Variants in EOMES observed in about 807,000 individuals in gnomAD.
EOMES encodes eomesodermin.
In EOMES, 18 loss-of-function variants were observed where a neutral mutation model predicts 61.0. The observed-to-expected ratio is 0.30, with a 90% confidence interval of 0.20 to 0.44. The LOEUF (loss-of-function observed/expected upper bound fraction) is 0.44, where lower values mean the gene tolerates loss of function less well. EOMES is among the 20% of genes least tolerant of loss of function. EOMES has a pLI of 1.00. For synonymous variants in EOMES, 430 were observed against 394.0 expected, an observed-to-expected ratio of 1.09 and a Z score of -1.08; for missense variants, 885 against 939.2, an observed-to-expected ratio of 0.94 and a Z score of 0.75.
chr3:27,717,841 A>AG lies in EOMES; in HGVS notation c.1380-34_1380-33insC, dbSNP rs758973532. ...ATAAAGAGAAACACTTAAAAAAAAAAAAAAACCCTAATGTTGTCCCCAAAC... is the reference window on the plus strand; with the variant it reads ...ATAAAGAGAAACACTTAAAAAAAAAAGAAAAACCCTAATGTTGTCCCCAAAC... On this transcript the variant is annotated intron_variant, in intron 5 of 5. Transcript: ENST00000449599. This position sits in a 1 kb window ranked among gnomAD's most constrained non-coding sequence, Gnocchi z 4.5. 6 of 1,451,606 alleles carry AG rather than the reference A, an allele frequency of 4.1e-6. No individual in the cohort carries two copies. In the African/African-American group the frequency reaches 7.2e-5, roughly 18 times the overall value. 89.9% of individuals were successfully genotyped at this position (1,451,606 alleles called of 1,614,324 possible). A position where few individuals can be genotyped will look rare whatever the true frequency, so the allele number is the denominator to read the frequency against.
At chr3:27,719,881 C>T (rs1344417192) in intron 2 of EOMES, among the ~76,000 whole-genome samples, 1 of 152,086 alleles carries the variant, frequency 6.6e-6, no homozygotes, top group Non-Finnish European at 1.5e-5. Context: ...AGGAGCCCTT[C>T]CCACCTGGAG....
chr3:27,720,214 C>A lies in EOMES; in HGVS notation c.993G>T (p.Gly331=), dbSNP rs775427213. The change falls in exon 2 of 6, where the codon GGG becomes GGT. Residue 331 remains glycine, a synonymous_variant. Transcript: ENST00000449599. ...CTTTGCCACAGGTCACCCATTTGCC[C>A]CCCTGGAAGCGCCAGTGGTTGGGGT... is the stretch of plus-strand genomic sequence containing the variant. ...LADPNHWRFQ[G]GKWVTCGKAD... 42 of 1,608,670 alleles carry A rather than the reference C, an allele frequency of 2.6e-5. No individual in the cohort carries two copies. Among genetic ancestry groups the A allele is most frequent in the Non-Finnish European group, 3.4e-5 (40 of 1,177,268 alleles).
rs1204820670 is a variant in EOMES, at chr3:27,717,899, T to G, written c.1380-91A>C. The G allele has an allele frequency of 1.0e-6, 1 of 978,086 alleles. No homozygotes were observed. The highest frequency in any genetic ancestry group is 1.5e-6 in the Non-Finnish European group (1 of 685,050). 60.6% of individuals were successfully genotyped at this position (978,086 alleles called of 1,614,324 possible). A position where few individuals can be genotyped will look rare whatever the true frequency, so the allele number is the denominator to read the frequency against. Reference sequence around the variant, plus strand: ...CTCCCAGAAATGAAAAAGGCTTGTGTTGGTTATCTACACCGAAAGTGCTGG... The same window carrying G: ...CTCCCAGAAATGAAAAAGGCTTGTGGTGGTTATCTACACCGAAAGTGCTGG... On this transcript the variant is annotated intron_variant, in intron 5 of 5. Coordinates refer to ENST00000449599, the MANE Select transcript of EOMES (RefSeq NM_001278182.2). This position sits in a 1 kb window ranked among gnomAD's most constrained non-coding sequence, Gnocchi z 4.5.
At position 27,717,337 on chromosome 3, in the gene EOMES, AGTGGGGCTT is replaced by A; in HGVS notation, c.1842_1850del (p.Ser615_Thr617del). 6.2e-7 allele frequency: 1 copy of A among 1,614,178 alleles called. No individual in the cohort carries two copies. Among genetic ancestry groups the A allele is most frequent in the Admixed American group, 1.7e-5 (1 of 60,030 alleles). ...TGGAGAGCTGATCTTCAGAGAACAC[AGTGGGGCTT>A]GTTCTGGAGGTCCATGGTAGTCCAG... On this transcript the variant is annotated inframe_deletion, in exon 6 of 6. Coordinates refer to ENST00000449599, the MANE Select transcript of EOMES (RefSeq NM_001278182.2). This position sits in a 1 kb window ranked among gnomAD's most constrained non-coding sequence, Gnocchi z 4.5.
intron 4 of EOMES, 22 bp from the exon 5 acceptor site, chr3:27,718,670 T>C: frequency 1.9e-6 from 3 of 1,612,766 alleles, no homozygotes; most frequent in Non-Finnish European, 2.5e-6. Flanking sequence ...AGAAAAACAG[T>C]CATTGAGTGA....
chr3:27,719,056 C>CT (rs397972971), intron 3 of EOMES, among the ~76,000 whole-genome samples, 163 bp from the exon 4 acceptor site: 13 of 147,064 alleles, frequency 8.8e-5, no homozygotes, highest in Middle Eastern at 3.4e-3. Flanking sequence ...TGCCCCCCCC[C>CT]TTTTTTTTTG....
chr3:27,718,501 C>T (rs1408426800), intron 5 of EOMES, 86 bp downstream of exon 5: 1 of 957,890 alleles, frequency 1.0e-6, no homozygotes, highest in Non-Finnish European at 1.6e-6. Flanking sequence ...AAAAGCTCTT[C>T]CTAAAATACA....
chr3:27,716,985 G>T lies in EOMES; in HGVS notation c.*85C>A, dbSNP rs1035851698. 89 of 1,040,450 alleles carry T rather than the reference G, an allele frequency of 8.6e-5. No individual in the cohort carries two copies. In the African/African-American group the frequency reaches 1.3e-3, roughly 15 times the overall value. The allele number at this position is 1,040,450 out of a possible 1,614,324, so 64.5% of individuals were successfully genotyped here. ...CAAGGTGGAAGGCAAACATCTTTTT[G>T]GCAACCTAGGCAAAGAAGACAACAA... On this transcript the variant is annotated 3_prime_UTR_variant, in exon 6 of 6. Coordinates refer to ENST00000449599, the MANE Select transcript of EOMES (RefSeq NM_001278182.2).
upstream of EOMES, chr3:27,722,657 C>T (rs1181781629): frequency 2.9e-6 from 3 of 1,046,326 alleles, no homozygotes; most frequent in Non-Finnish European, 3.4e-6. Flanking sequence ...CACTAGCCCG[C>T]GCCTTTCTGC....
chr3:27,721,593 G>T lies in EOMES; in HGVS notation c.702C>A (p.Ser234Arg), dbSNP rs1052623112. 18 of 1,568,686 alleles carry T rather than the reference G, an allele frequency of 1.1e-5. No individual in the cohort carries two copies. Among genetic ancestry groups the T allele is most frequent in the Non-Finnish European group, 1.6e-5 (18 of 1,159,304 alleles). Reference sequence around the variant, plus strand: ...ACGGCCCGTAGAGCGGAGCCCCCTGGCTGTACTGATAGGTGCCCGGGCCGC... The same window carrying T: ...ACGGCCCGTAGAGCGGAGCCCCCTGTCTGTACTGATAGGTGCCCGGGCCGC... ...GGGGPGTYQY[S>R]QGAPLYGPYP... Residue 234 changes from serine to arginine, a missense_variant, in exon 1 of 6, where the codon AGC becomes AGA. This residue lies in a region of EOMES where 449 missense variants were observed against 383.6 expected (regional missense o/e 1.17). Transcript: ENST00000449599. The surrounding 1 kb of genome is among the most constrained non-coding windows in gnomAD (Gnocchi z 7.4).
intron 2 of EOMES, 90 bp from the exon 3 acceptor site, chr3:27,719,571 A>G (rs1472827266): frequency 8.4e-7 from 1 of 1,190,612 alleles, no homozygotes; most frequent in Non-Finnish European, 1.2e-6. Context: ...AGCTATGAGC[A>G]AGATATAAGA....
At position 27,717,375 on chromosome 3, in the gene EOMES, C is replaced by T. The variant is rs1232941436; in HGVS notation, c.1813G>A (p.Ala605Thr). 2 of 1,614,138 alleles carry T rather than the reference C, an allele frequency of 1.2e-6. No homozygotes were observed. The highest frequency in any genetic ancestry group is 1.1e-5 in the South Asian group (1 of 91,076). The change falls in exon 6 of 6, where the codon GCA (alanine) becomes ACA (threonine). Residue 605 changes from alanine (A) to threonine (T), a missense_variant. Coordinates refer to ENST00000449599, the MANE Select transcript of EOMES (RefSeq NM_001278182.2). This position sits in a 1 kb window ranked among gnomAD's most constrained non-coding sequence, Gnocchi z 4.5. ...CTGGAGGTCCATGGTAGTCCAGCTG[C>T]CATCTTCCTCTGGTAAGAACCTCGA... ...GGRGSYQRKM[A>T]AGLPWTSRTS...
At chr3:27,718,930 A>G in intron 3 of EOMES, 37 bp from the exon 4 acceptor site, 5 of 1,523,530 alleles carry the variant, frequency 3.3e-6, no homozygotes, top group Non-Finnish European at 4.5e-6. Flanking sequence ...TAAATCTAAA[A>G]AGCCTCTTAG....
At position 27,717,455 on chromosome 3, in the gene EOMES, T is replaced by C. The variant is rs994979262; in HGVS notation, c.1733A>G (p.His578Arg). 2.5e-6 allele frequency: 4 copies of C among 1,614,100 alleles called. No individual in the cohort carries two copies. Among genetic ancestry groups the C allele is most frequent in the South Asian group, 2.2e-5 (2 of 91,078 alleles). ...TGGGTCTGGGTAATACCCCAGGGCA[T>C]GGGATGTCTGAAGGGGCAAGGATTT... ...GIKSLPLQTS[H>R]ALGYYPDPTF... The change falls in exon 6 of 6, where the codon CAT becomes CGT. Residue 578 changes from histidine (H) to arginine (R), a missense_variant. By Grantham distance (29) the His-to-Arg change is conservative. This residue lies in a region of EOMES where 259 missense variants were observed against 282.3 expected (regional missense o/e 0.92). Transcript: ENST00000449599. This position sits in a 1 kb window ranked among gnomAD's most constrained non-coding sequence, Gnocchi z 4.5.
rs199883465 is a variant in EOMES at position 27,722,318 on chromosome 3, C to T, written c.-24G>A. ...ATGCTTTGCAAAGCGCAGACGGCAG[C>T]TGGCTGCTTCCTCTCCTCCGGTGGC... On this transcript the variant is annotated 5_prime_UTR_variant, in exon 1 of 6. Transcript: ENST00000449599. The T allele has an allele frequency of 1.3e-6, 2 of 1,514,108 alleles. No individual in the cohort carries two copies. Among genetic ancestry groups the T allele is most frequent in the Admixed American group, 2.2e-5 (1 of 45,392 alleles). The allele number at this position is 1,514,108 out of a possible 1,614,324, so 93.8% of individuals were successfully genotyped here. A position where few individuals can be genotyped will look rare whatever the true frequency, so the allele number is the denominator to read the frequency against.
intron 5 of EOMES, 150 bp downstream of exon 5, chr3:27,718,437 A>T: frequency 3.7e-6 from 2 of 535,578 alleles, no homozygotes; most frequent in Non-Finnish European, 6.6e-6. Flanking sequence ...CTAAAGCAAG[A>T]TTAGTAAAGG....
chr3:27,721,698 A>T lies in EOMES; in HGVS notation c.597T>A (p.Ala199=). ...ACTGCGCCCTCCCGGGTGGGCACAC[A>T]GCCGCGGGGAAGCCGCCGGGGGGCA... ...SMLPPGGFPA[A]VCPPGRAQFG... Residue 199 remains alanine, a synonymous_variant, in exon 1 of 6, where the codon GCT becomes GCA. Coordinates refer to ENST00000449599, the MANE Select transcript of EOMES (RefSeq NM_001278182.2). This position sits in a 1 kb window ranked among gnomAD's most constrained non-coding sequence, Gnocchi z 7.4. The T allele has an allele frequency of 6.7e-7, 1 of 1,492,926 alleles. No homozygotes were observed. The highest frequency in any genetic ancestry group is 8.8e-7 in the Non-Finnish European group (1 of 1,131,222). The allele number at this position is 1,492,926 out of a possible 1,614,324, so 92.5% of individuals were successfully genotyped here. A position where few individuals can be genotyped will look rare whatever the true frequency, so the allele number is the denominator to read the frequency against.
rs371656694 is a variant in EOMES at position 27,718,824 on chromosome 3, C to T, written c.1228G>A (p.Val410Met). The T allele has an allele frequency of 8.0e-5, 129 of 1,613,488 alleles. No individual in the cohort carries two copies. Among genetic ancestry groups the T allele is most frequent in the Non-Finnish European group, 9.8e-5 (116 of 1,179,532 alleles). ...TTTGAGGGCTCATTCAAGTCCTCCA[C>T]GCCATCCTCTGTAACTTCAACAATA... ...LHIVEVTEDG[V>M]EDLNEPSKTQ... Residue 410 changes from valine to methionine, a missense_variant, in exon 4 of 6, where the codon GTG becomes ATG. Physicochemically the swap from Val to Met is conservative, Grantham distance 21. Coordinates refer to ENST00000449599, the MANE Select transcript of EOMES (RefSeq NM_001278182.2).
At position 27,720,212 on chromosome 3, in the gene EOMES, C is replaced by A; in HGVS notation, c.995G>T (p.Gly332Val). 1 of 1,607,088 alleles carries A rather than the reference C, an allele frequency of 6.2e-7. No individual in the cohort carries two copies. The highest frequency in any genetic ancestry group is 8.5e-7 in the Non-Finnish European group (1 of 1,176,414). ...ADPNHWRFQG[G>V]KWVTCGKADN... ...GGCTTTGCCACAGGTCACCCATTTG[C>A]CCCCCTGGAAGCGCCAGTGGTTGGG... The change falls in exon 2 of 6, where the codon GGC (glycine) becomes GTC (valine). Residue 332 changes from glycine (G) to valine (V), a missense_variant. Gly to Val is a moderately radical substitution (Grantham distance 109). Around this residue, in one of 3 missense-constraint regions of EOMES, gnomAD observed 177 missense variants for 273.3 expected, o/e 0.65. Coordinates refer to ENST00000449599, the MANE Select transcript of EOMES (RefSeq NM_001278182.2).
Sources: gnomAD v4.1 joint callset for allele counts (sites outside exome capture counted in the v4.1 genomes callset) on GRCh38, gnomAD v4.1.1 for gene constraint, gnomAD v4.1.1 regional missense constraint, Gnocchi (gnomAD v3.1) non-coding constraint, MANE v1.5 for transcripts, NCBI Gene and HGNC (gene_info 2026-07-23, HGNC 2026-07-21) for gene names.